The following EML4 variants were observed in gnomAD, a reference collection of about 807,000 sequenced individuals.
The protein encoded by EML4 is EMAP like 4.
In EML4, 72 loss-of-function variants were observed where a neutral mutation model predicts 129.0. That is an observed-to-expected ratio of 0.56 (90% CI 0.46 to 0.68). The LOEUF is 0.68. EML4 is among the 30% of genes least tolerant of loss of function. The pLI is 0.00. For synonymous variants in EML4, 532 were observed against 405.0 expected, an observed-to-expected ratio of 1.31 and a Z score of -3.77; for missense variants, 1,363 against 1,190.6, an observed-to-expected ratio of 1.14 and a Z score of -2.13.
At chr2:42,181,372 C>G (rs1388736807) in intron 1 of EML4, among the ~76,000 whole-genome samples, 1 of 152,146 alleles carries the variant, frequency 6.6e-6, no homozygotes, top group African/African-American at 2.4e-5. Context: ...GATCACGGCT[C>G]ACCGCATCCT....
intron 6 of EML4, among the ~76,000 whole-genome samples, chr2:42,272,077 CAAAAA>C (rs35948547): frequency 4.0e-5 from 4 of 101,160 alleles, no homozygotes; most frequent in Non-Finnish European, 8.2e-5. Context: ...CACTCCATCT[CAAAAA>C]AAAAAAAAAA....
intron 11 of EML4, among the ~76,000 whole-genome samples, chr2:42,293,260 C>T (rs182999419): frequency 4.1e-4 from 62 of 152,176 alleles, no homozygotes; most frequent in Admixed American, 1.2e-3. Flanking sequence ...CAGCGCGCAC[C>T]GCCACGCCGG....
At chr2:42,181,060 T>C (rs915467818) in intron 1 of EML4, among the ~76,000 whole-genome samples, 1 of 152,210 alleles carries the variant, frequency 6.6e-6, no homozygotes, top group Non-Finnish European at 1.5e-5. Flanking sequence ...GCACACAATT[T>C]TTATTTATCC....
chr2:42,283,951 A>G (rs564978674), intron 8 of EML4, among the ~76,000 whole-genome samples: 1 of 152,324 alleles, frequency 6.6e-6, no homozygotes, highest in South Asian at 2.1e-4. Context: ...ACAGTGTACA[A>G]CCGTTGTTGA....
At chr2:42,317,804 CTT>C (rs1167839170) in intron 19 of EML4, among the ~76,000 whole-genome samples, 1 of 152,146 alleles carries the variant, frequency 6.6e-6, no homozygotes, top group African/African-American at 2.4e-5. Flanking sequence ...TAGAATAACA[CTT>C]TTTGAAAATT....
rs779936536 is a variant in EML4 at position 42,284,679 on chromosome 2, A to G, written c.987A>G (p.Ile329Met). The G allele has an allele frequency of 1.9e-6, 3 of 1,612,832 alleles. No homozygotes were observed. The highest frequency in any genetic ancestry group is 2.2e-5 in the South Asian group (2 of 90,878). ...PDKIRIATGQ[I>M]AGVDKDGRPL... is the part of the protein sequence containing the mutation. Reference sequence around the variant, plus strand: ...AAATTAGGATTGCAACTGGACAGATAGCTGGCGTGGATAAAGATGGAAGGG... The same window carrying G: ...AAATTAGGATTGCAACTGGACAGATGGCTGGCGTGGATAAAGATGGAAGGG... The change falls in exon 9 of 23, where the codon ATA becomes ATG. Residue 329 changes from isoleucine to methionine, a missense_variant. Ile to Met is a conservative substitution (Grantham distance 10). Transcript: ENST00000318522.
rs897141927 is a variant in EML4 at position 42,330,621 on chromosome 2, T to A, written c.*414T>A. ...ATCTACTGGCTCAGACTGTACTACT[T>A]TTTTTTTTTTTTTTCCTGAAAAAGA... On this transcript the variant is annotated 3_prime_UTR_variant, in exon 23 of 23. Transcript: ENST00000318522. 43 of 173,514 alleles carry A rather than the reference T, an allele frequency of 2.5e-4. No homozygotes were observed. Among genetic ancestry groups the A allele is most frequent in the African/African-American group, 7.4e-4 (30 of 40,798 alleles). 10.7% of individuals were successfully genotyped at this position (173,514 alleles called of 1,614,324 possible).
chr2:42,258,087 T>C lies in EML4; in HGVS notation c.338+1457T>C, dbSNP rs368682148. 4.2e-4 allele frequency among the ~76,000 whole-genome samples: 64 copies of C among 152,298 alleles called. 1 individual carries two copies. In the South Asian group the frequency reaches 0.013, roughly 32 times the overall value. On this transcript the variant is annotated intron_variant, in intron 3 of 22. Transcript: ENST00000318522. ...TGCACTGTTGCTTGTTGCTGTGTAGTGATCAGTATTATGCACATTAGTGAT... is the reference window on the plus strand; with the variant it reads ...TGCACTGTTGCTTGTTGCTGTGTAGCGATCAGTATTATGCACATTAGTGAT...
intron 4 of EML4, 87 bp from the exon 5 acceptor site, chr2:42,263,091 A>G: frequency 8.9e-7 from 1 of 1,119,142 alleles, no homozygotes; most frequent in Non-Finnish European, 1.3e-6. Context: ...GGAAATGTTA[A>G]TTGCTGCTTT....
intron 1 of EML4, among the ~76,000 whole-genome samples, chr2:42,232,474 G>A (rs966903269): frequency 2.0e-5 from 3 of 152,094 alleles, no homozygotes; most frequent in South Asian, 4.2e-4. Flanking sequence ...CAAGTATAAC[G>A]ACATACAATC....
Position 42,169,394 on chromosome 2 carries a change from C to A in EML4, c.-218C>A. On this transcript the variant is annotated 5_prime_UTR_variant, in exon 1 of 23. Coordinates refer to ENST00000318522, the MANE Select transcript of EML4 (RefSeq NM_019063.5). Reference sequence around the variant, plus strand: ...CTGCCTGGGAGGGAGGCCGGGCAGGCGGCTGAGCGGCGCGGCTCTCAACGT... The same window carrying A: ...CTGCCTGGGAGGGAGGCCGGGCAGGAGGCTGAGCGGCGCGGCTCTCAACGT... The A allele has an allele frequency of 2.8e-6, 1 of 357,196 alleles. No homozygotes were observed. The highest frequency in any genetic ancestry group is 5.0e-6 in the Non-Finnish European group (1 of 199,162). 22.1% of individuals were successfully genotyped at this position (357,196 alleles called of 1,614,324 possible).
chr2:42,280,286 T>C (rs1666933290), intron 6 of EML4, among the ~76,000 whole-genome samples: 1 of 152,234 alleles, frequency 6.6e-6, no homozygotes. Flanking sequence ...TATATTTTAA[T>C]TATCAAAAAA....
intron 6 of EML4, among the ~76,000 whole-genome samples, chr2:42,280,358 C>G (rs1317008552): frequency 1.3e-5 from 2 of 152,166 alleles, no homozygotes; most frequent in African/African-American, 4.8e-5. Context: ...TAGACTAGGA[C>G]TTTATAGTAT....
intron 18 of EML4, among the ~76,000 whole-genome samples, chr2:42,316,922 G>A (rs1022421317): frequency 3.9e-5 from 6 of 152,138 alleles, no homozygotes; most frequent in Non-Finnish European, 7.4e-5. Flanking sequence ...TTTTAGTGTT[G>A]TAGTAGCAAA....
intron 21 of EML4, among the ~76,000 whole-genome samples, chr2:42,326,629 T>C (rs939887274): frequency 1.3e-5 from 2 of 152,162 alleles, no homozygotes; most frequent in African/African-American, 2.4e-5. Flanking sequence ...CACCTGTAAT[T>C]CTAGCACTTT....
chr2:42,303,042 G>A, intron 14 of EML4, 62 bp from the exon 15 acceptor site: 3 of 1,535,694 alleles, frequency 2.0e-6, no homozygotes, highest in Non-Finnish European at 2.7e-6. Flanking sequence ...ATAAATGCAG[G>A]CTTCGAGTAG....
At chr2:42,184,490 G>A (rs946576062) in intron 1 of EML4, among the ~76,000 whole-genome samples, 1 of 149,420 alleles carries the variant, frequency 6.7e-6, no homozygotes, top group African/African-American at 2.5e-5. Context: ...CTCTAGTATG[G>A]TGTCCAAGTT....
At chr2:42,206,995 A>G (rs1004903123) in intron 1 of EML4, among the ~76,000 whole-genome samples, 12 of 152,230 alleles carry the variant, frequency 7.9e-5, no homozygotes, top group African/African-American at 2.2e-4. Flanking sequence ...TTTTATAGGG[A>G]TCTATTTAAT....
chr2:42,296,077 C>T (rs146515674), intron 13 of EML4, among the ~76,000 whole-genome samples: 59 of 152,124 alleles, frequency 3.9e-4, no homozygotes, highest in East Asian at 5.8e-4. Flanking sequence ...CCCTTTTCTA[C>T]GGTAAATGAA....
Sources: gnomAD v4.1 joint callset for allele counts (sites outside exome capture counted in the v4.1 genomes callset) on GRCh38, gnomAD v4.1.1 for gene constraint, MANE v1.5 for transcripts, NCBI Gene and HGNC (gene_info 2026-07-23, HGNC 2026-07-21) for gene names.